TACC2: variants seen among roughly 807,000 people sequenced by gnomAD.
The protein encoded by TACC2 is transforming acidic coiled-coil containing protein 2, also known as transforming acidic coiled-coil-containing protein 2.
TACC2 carries 137 observed loss-of-function variants against 227.3 expected under a neutral mutation model. That is an observed-to-expected ratio of 0.60 (90% CI 0.52 to 0.69). The LOEUF (loss-of-function observed/expected upper bound fraction) is 0.69, where lower values mean the gene tolerates loss of function less well. Among genes scored for constraint, TACC2 ranks in the 30% least tolerant of loss-of-function variants. The pLI, the probability that TACC2 is intolerant of heterozygous loss-of-function variation, is 0.00. For synonymous variants in TACC2, 1,523 were observed against 1,487.5 expected, an observed-to-expected ratio of 1.02 and a Z score of -0.55; for missense variants, 3,470 against 3,694.4, an observed-to-expected ratio of 0.94 and a Z score of 1.57.
intron 3 of TACC2, among the ~76,000 whole-genome samples, chr10:122,068,080 A>G (rs1055908725): frequency 1.2e-4 from 19 of 152,070 alleles, no homozygotes; most frequent in African/African-American, 4.6e-4. Flanking sequence ...GAAGTTCACT[A>G]ATCTTTTTCT....
At chr10:122,227,808 T>C (rs2095658058) in intron 13 of TACC2, 29 bp from the exon 14 acceptor site, 13 of 1,593,834 alleles carry the variant, frequency 8.2e-6, no homozygotes, top group Non-Finnish European at 1.0e-5. Context: ...ATGAGAAGAC[T>C]AAAGAAAGAT....
At chr10:122,014,651 T>C (rs1956352557) in intron 1 of TACC2, among the ~76,000 whole-genome samples, 1 of 152,246 alleles carries the variant, frequency 6.6e-6, no homozygotes, top group African/African-American at 2.4e-5. Context: ...CACTGTGGCT[T>C]CTGCAGTCTT....
At chr10:122,187,211 G>GT (rs1468469218) in intron 7 of TACC2, among the ~76,000 whole-genome samples, 1 of 152,230 alleles carries the variant, frequency 6.6e-6, no homozygotes, top group Non-Finnish European at 1.5e-5. Context: ...CATGGGCACA[G>GT]TGCCACACTG....
chr10:122,230,337 C>G lies in TACC2; in HGVS notation c.8038-14C>G, dbSNP rs1401570424. ...TGCATTTCCCTGCGGTTTGCCCACACTCCCTGTGGGCAGGAGGAGTTAGAG... is the reference window on the plus strand; with the variant it reads ...TGCATTTCCCTGCGGTTTGCCCACAGTCCCTGTGGGCAGGAGGAGTTAGAG... On this transcript the variant is annotated splice_polypyrimidine_tract_variant and intron_variant, in intron 15 of 22. Coordinates refer to ENST00000369005, the MANE Select transcript of TACC2 (RefSeq NM_206862.4). The G allele has an allele frequency of 1.2e-6, 2 of 1,602,710 alleles. No homozygotes were observed. Among genetic ancestry groups the G allele is most frequent in the East Asian group, 4.5e-5 (2 of 44,824 alleles).
At chr10:122,206,324 C>A (rs1000112629) in intron 8 of TACC2, among the ~76,000 whole-genome samples, 4 of 152,250 alleles carry the variant, frequency 2.6e-5, no homozygotes, top group Non-Finnish European at 5.9e-5. Flanking sequence ...AGCACTGGTG[C>A]TATGGCCTGA....
intron 7 of TACC2, chr10:122,192,886 C>G (rs1381136294): frequency 2.4e-6 from 1 of 413,152 alleles, no homozygotes; most frequent in Non-Finnish European, 5.0e-6. Context: ...CGGGGCAGCA[C>G]CCGGGGCAGC....
chr10:122,034,833 C>T lies in TACC2; in HGVS notation c.33+12819C>T, dbSNP rs1208327136. Among the ~76,000 whole-genome samples, 4 of 151,010 alleles carry T rather than the reference C, an allele frequency of 2.6e-5. No individual in the cohort carries two copies. The East Asian group carries it at 7.8e-4, about 30-fold the overall frequency. Reference sequence around the variant, plus strand: ...ATCCCAGCTACACAGGAGGCTGAGGCAGGAGAATCGCTTGAACCTGGGAGG... The same window carrying T: ...ATCCCAGCTACACAGGAGGCTGAGGTAGGAGAATCGCTTGAACCTGGGAGG... On this transcript the variant is annotated intron_variant, in intron 2 of 22. Coordinates refer to ENST00000369005, the MANE Select transcript of TACC2 (RefSeq NM_206862.4).
At chr10:122,215,225 G>A (rs2095375962) in intron 9 of TACC2, among the ~76,000 whole-genome samples, 166 bp from the exon 10 acceptor site, 1 of 152,170 alleles carries the variant, frequency 6.6e-6, no homozygotes, top group African/African-American at 2.4e-5. Context: ...TAAAAAGTGA[G>A]AGTGGGTAGC....
intron 7 of TACC2, among the ~76,000 whole-genome samples, chr10:122,176,092 T>G (rs1423366272): frequency 1.2e-5 from 1 of 84,262 alleles, no homozygotes; most frequent in African/African-American, 5.6e-5. Flanking sequence ...TCTCTCTCTC[T>G]CTCTCTCTCT....
chr10:122,122,797 CAGAA>C (rs2086105538), intron 5 of TACC2, among the ~76,000 whole-genome samples: 1 of 152,200 alleles, frequency 6.6e-6, no homozygotes, highest in Non-Finnish European at 1.5e-5. Flanking sequence ...ACCTGGCAAA[CAGAA>C]AGAAGTGCTT....
chr10:122,244,298 A>C (rs563728362), intron 19 of TACC2, among the ~76,000 whole-genome samples: 9 of 152,124 alleles, frequency 5.9e-5, no homozygotes, highest in Non-Finnish European at 1.3e-4. Context: ...AGACTCCTCC[A>C]GTGTCCCTGG....
At chr10:122,073,018 C>T (rs2078271297) in intron 3 of TACC2, among the ~76,000 whole-genome samples, 1 of 144,276 alleles carries the variant, frequency 6.9e-6, no homozygotes, top group Non-Finnish European at 1.5e-5. Context: ...GAGGCTGAGG[C>T]AGGAGAATCG....
chr10:122,215,311 T>C, intron 9 of TACC2, 80 bp from the exon 10 acceptor site: 14 of 1,317,046 alleles, frequency 1.1e-5, no homozygotes, highest in Non-Finnish European at 1.5e-5. Context: ...GCAGAGGCAG[T>C]AGCTTCGGTC....
rs772425150 is a variant in TACC2, at chr10:122,080,235, T to G, written c.147-2412T>G. ...CCTTTTTTTTTTTTTGTTTTTTTTTTGTGTTTTTTTGTTTTGAGACAGAGT... is the reference window on the plus strand; with the variant it reads ...CCTTTTTTTTTTTTTGTTTTTTTTTGGTGTTTTTTTGTTTTGAGACAGAGT... On this transcript the variant is annotated intron_variant, in intron 3 of 22. Transcript: ENST00000369005. 4.2e-3 allele frequency among the ~76,000 whole-genome samples: 181 copies of G among 43,550 alleles called. 1 individual carries two copies. The highest frequency in any genetic ancestry group is 0.011 in the East Asian group (18 of 1,622). 28.6% of individuals were successfully genotyped at this position (43,550 alleles called of 152,430 possible).
At chr10:122,231,828 G>A (rs1205562966) in intron 16 of TACC2, among the ~76,000 whole-genome samples, 1 of 152,170 alleles carries the variant, frequency 6.6e-6, no homozygotes, top group Non-Finnish European at 1.5e-5. Context: ...GTGACAGAGC[G>A]AGACCCTATC....
At chr10:122,041,038 T>A (rs956351421) in intron 2 of TACC2, among the ~76,000 whole-genome samples, 1 of 152,176 alleles carries the variant, frequency 6.6e-6, no homozygotes, top group African/African-American at 2.4e-5. Context: ...CTCAGCAATG[T>A]GGACATCTGA....
intron 5 of TACC2, among the ~76,000 whole-genome samples, chr10:122,110,833 T>C (rs2083499380): frequency 6.6e-6 from 1 of 152,212 alleles, no homozygotes; most frequent in South Asian, 2.1e-4. Flanking sequence ...AAATTTATTT[T>C]ACTAGGAGCT....
intron 5 of TACC2, among the ~76,000 whole-genome samples, chr10:122,094,376 A>G (rs1239057254): frequency 6.6e-6 from 1 of 152,132 alleles, no homozygotes; most frequent in Non-Finnish European, 1.5e-5. Context: ...TCCTGGGGTC[A>G]AGCAACTCTC....
intron 3 of TACC2, among the ~76,000 whole-genome samples, chr10:122,056,421 C>A (rs1267326804): frequency 6.6e-6 from 1 of 152,154 alleles, no homozygotes; most frequent in African/African-American, 2.4e-5. Flanking sequence ...GTGATCTGCC[C>A]ACCTCAGCCT....
Sources: gnomAD v4.1 joint callset for allele counts (sites outside exome capture counted in the v4.1 genomes callset) on GRCh38, gnomAD v4.1.1 for gene constraint, MANE v1.5 for transcripts, NCBI Gene and HGNC (gene_info 2026-07-23, HGNC 2026-07-21) for gene names.